SLC4A11: variants seen among roughly 807,000 people sequenced by gnomAD.
SLC4A11 encodes the protein bicarbonate transporter related protein 1.
Under a neutral mutation model 95.0 loss-of-function variants are expected in SLC4A11, and 74 were observed. The observed-to-expected ratio is 0.78, with a 90% confidence interval of 0.65 to 0.95. SLC4A11 has a LOEUF of 0.95. Among genes scored for constraint, SLC4A11 ranks in the 40% least tolerant of loss-of-function variants. The pLI is 0.00. For synonymous variants in SLC4A11, 548 were observed against 519.0 expected (o/e 1.06, Z -0.76); for missense variants, 1,081 against 1,192.4 (o/e 0.91, Z 1.38).
chr20:3,228,894 G>C lies in SLC4A11; in HGVS notation c.2136C>G (p.His712Gln). Residue 712 changes from histidine (H) to glutamine (Q), a missense_variant, in exon 17 of 20, where the codon CAC (histidine) becomes CAG (glutamine). By Grantham distance (24) the His-to-Gln change is conservative. This residue lies in a region of SLC4A11 where 767 missense variants were observed against 858.0 expected (regional missense o/e 0.89). Transcript: ENST00000642402. ...CCTCCACTAAGGCCAGGGCTCGCAC[G>C]TGCAGCGGGGAGTGGGGGTAGGCGG... ...IHAAYPHSPL[H>Q]VRALALVEER... 6.2e-7 allele frequency: 1 copy of C among 1,613,962 alleles called. No homozygotes were observed. Among genetic ancestry groups the C allele is most frequent in the South Asian group, 1.1e-5 (1 of 91,086 alleles).
rs1568542247 is a variant in SLC4A11 at position 3,234,431 on chromosome 20, C to CCCAGCCT, written c.292-118_292-117insAGGCTGG. The CCCAGCCT allele has an allele frequency of 2.6e-6, 4 of 1,512,232 alleles. No individual in the cohort carries two copies. Among genetic ancestry groups the CCCAGCCT allele is most frequent in the African/African-American group, 1.4e-5 (1 of 72,730 alleles). The allele number at this position is 1,512,232 out of a possible 1,614,324, so 93.7% of individuals were successfully genotyped here. A position where few individuals can be genotyped will look rare whatever the true frequency, so the allele number is the denominator to read the frequency against. The stretch of plus-strand genomic sequence containing the variant: ...AGCCCCCAGCCCCCAGCCCCCAGCC[C>CCCAGCCT]TGGGCTGGTGCGAGCTCCCTGTTGA... On this transcript the variant is annotated intron_variant, in intron 4 of 19. Coordinates refer to ENST00000642402, the MANE Select transcript of SLC4A11 (RefSeq NM_001174089.2). This position sits in a 1 kb window ranked among gnomAD's most constrained non-coding sequence, Gnocchi z 5.8.
intron 10 of SLC4A11, 33 bp downstream of exon 10, chr20:3,230,900 A>ACCCCCCCCCACCCCCCCCCCCCCCC: frequency 5.0e-6 from 8 of 1,610,678 alleles, no homozygotes; most frequent in African/African-American, 1.3e-5. Context: ...AGCCCAGCAT[A>ACCCCCCCCCACCCCCCCCCCCCCCC]CCCCCACCCA....
rs2067626278 is a variant in SLC4A11, at chr20:3,228,590, G to A, written c.2310C>T (p.Gly770=). 1.2e-6 allele frequency: 2 copies of A among 1,613,324 alleles called. No individual in the cohort carries two copies. Among genetic ancestry groups the A allele is most frequent in the East Asian group, 2.2e-5 (1 of 44,876 alleles). ...AGGTGAGCGCGATGTAGAGGAAGAG[G>A]CCATAGAGCACGGGCTTGGGGATCC... ...LQWIPKPVLY[G]LFLYIALTSL... The change falls in exon 18 of 20, where the codon GGC becomes GGT. Residue 770 remains glycine (G), a synonymous_variant. Transcript: ENST00000642402.
rs976375428 is a variant in SLC4A11, at chr20:3,233,852, G to A, written c.605+69C>T. ...CTCACAGGTGGGCTGGCCTCTGCAGGGCACAGGGGACATGGGACACCCAGT... is the reference window on the plus strand; with the variant it reads ...CTCACAGGTGGGCTGGCCTCTGCAGAGCACAGGGGACATGGGACACCCAGT... On this transcript the variant is annotated intron_variant, in intron 6 of 19. Transcript: ENST00000642402. 4.4e-6 allele frequency: 7 copies of A among 1,575,118 alleles called. No homozygotes were observed. The African/African-American group carries it at 6.7e-5, about 15-fold the overall frequency.
rs918595763 is a variant in SLC4A11 at position 3,234,612 on chromosome 20, C to T, written c.247G>A (p.Glu83Lys). The change falls in exon 4 of 20, where the codon GAA becomes AAA. Residue 83 changes from glutamate to lysine, a missense_variant. By Grantham distance (56) the Glu-to-Lys change is moderately conservative. This residue lies in a region of SLC4A11 where 310 missense variants were observed against 313.5 expected (regional missense o/e 0.99). Coordinates refer to ENST00000642402, the MANE Select transcript of SLC4A11 (RefSeq NM_001174089.2). This position sits in a 1 kb window ranked among gnomAD's most constrained non-coding sequence, Gnocchi z 5.8. The stretch of plus-strand genomic sequence containing the variant: ...AGCACACAGCCACCGGAAGTCGCTT[C>T]ATTCTCTGCCGGAGAAAAGCGGGGA... ...LEMQATNTEN[E>K]ATSGGCVLLH... 3.0e-5 allele frequency: 49 copies of T among 1,613,794 alleles called. No homozygotes were observed. Among genetic ancestry groups the T allele is most frequent in the Non-Finnish European group, 3.8e-5 (45 of 1,180,024 alleles).
rs376622036 is a variant in SLC4A11 at position 3,231,304 on chromosome 20, G to A, written c.948+26C>T. ...GGCCCATGCCCCCGCCGACCCTGCC[G>A]GCCCCCGCCGGCCTCTACCCTGTAC... On this transcript the variant is annotated intron_variant, in intron 8 of 19. Coordinates refer to ENST00000642402, the MANE Select transcript of SLC4A11 (RefSeq NM_001174089.2). This position sits in a 1 kb window ranked among gnomAD's most constrained non-coding sequence, Gnocchi z 5.2. The A allele has an allele frequency of 4.3e-5, 70 of 1,613,428 alleles. No homozygotes were observed. The highest frequency in any genetic ancestry group is 1.8e-4 in the Admixed American group (11 of 60,010).
chr20:3,236,996 C>G (rs934695681), intron 2 of SLC4A11, among the ~76,000 whole-genome samples: 9 of 152,158 alleles, frequency 5.9e-5, no homozygotes, highest in Non-Finnish European at 1.3e-4. Context: ...AAGGGAACAT[C>G]AGCCCTGTGT....
intron 6 of SLC4A11, 140 bp from the exon 7 acceptor site, chr20:3,233,777 G>T: frequency 6.6e-7 from 1 of 1,517,204 alleles, no homozygotes; most frequent in Non-Finnish European, 9.0e-7. Flanking sequence ...TTCCTTGGCA[G>T]TGCTCCAGCC....
chr20:3,228,743 C>T, intron 17 of SLC4A11, 36 bp from the exon 18 acceptor site: 1 of 1,612,580 alleles, frequency 6.2e-7, no homozygotes, highest in Non-Finnish European at 8.5e-7. Flanking sequence ...CACCTCTGCG[C>T]CCCTGTCCAC....
rs1600607979 is a variant in SLC4A11, at chr20:3,235,500, G to A, written c.89-606C>T. On this transcript the variant is annotated intron_variant, in intron 2 of 19. Transcript: ENST00000642402. The stretch of plus-strand genomic sequence containing the variant: ...GGGAAACAGAGCCAGGGGCTGACAG[G>A]GGAGAGGACCCCAAGGCCTCATGTC... Among the ~76,000 whole-genome samples the A allele has an allele frequency of 3.3e-5, 5 of 152,244 alleles. No homozygotes were observed. In the Middle Eastern group the frequency reaches 0.017, roughly 518 times the overall value.
At position 3,234,370 on chromosome 20, in the gene SLC4A11, G is replaced by A; in HGVS notation, c.292-56C>T. 1.9e-6 allele frequency: 3 copies of A among 1,556,684 alleles called. No homozygotes were observed. Among genetic ancestry groups the A allele is most frequent in the African/African-American group, 1.4e-5 (1 of 73,900 alleles). ...GGCCCATGTATGAGATGCTGTCACT[G>A]CCTGGTCCCTCCCTCCCAGCCAGCC... On this transcript the variant is annotated intron_variant, in intron 4 of 19. Coordinates refer to ENST00000642402, the MANE Select transcript of SLC4A11 (RefSeq NM_001174089.2). The surrounding 1 kb of genome is among the most constrained non-coding windows in gnomAD (Gnocchi z 5.8).
At chr20:3,235,313 A>T (rs62208068) in intron 2 of SLC4A11, among the ~76,000 whole-genome samples, 789 of 42,080 alleles carry the variant, frequency 0.019, 1 homozygote, top group South Asian at 0.062. Flanking sequence ...TCTCTCTCAC[A>T]CACACACACA....
At position 3,229,572 on chromosome 20, in the gene SLC4A11, A is replaced by G. The variant is rs781309890; in HGVS notation, c.1694T>C (p.Met565Thr). 6.2e-7 allele frequency: 1 copy of G among 1,612,946 alleles called. No homozygotes were observed. Among genetic ancestry groups the G allele is most frequent in the Admixed American group, 1.7e-5 (1 of 60,010 alleles). Reference protein sequence around the residue: ...QATAVLSLLIMLGTLWLGYTL... With the variant: ...QATAVLSLLITLGTLWLGYTL... ...GTAGCCCAGCCAGAGCGTGCCCAGC[A>G]TGATGAGGAGGCTGAGCACGGCGGT... is the stretch of plus-strand genomic sequence containing the variant. Residue 565 changes from methionine (M) to threonine (T), a missense_variant, in exon 14 of 20, where the codon ATG (methionine) becomes ACG (threonine). This residue lies in a region of SLC4A11 where 767 missense variants were observed against 858.0 expected (regional missense o/e 0.89). Coordinates refer to ENST00000642402, the MANE Select transcript of SLC4A11 (RefSeq NM_001174089.2).
chr20:3,233,480 C>T lies in SLC4A11; in HGVS notation c.729+34G>A, dbSNP rs3803955. 375,164 of 1,611,768 alleles carry T rather than the reference C, an allele frequency of 0.23. 47,339 individuals are homozygous for T. The highest frequency in any genetic ancestry group is 0.4 in the South Asian group (36,140 of 91,048). The stretch of plus-strand genomic sequence containing the variant: ...CAGAGGGCGGGTAACCCGGGGCCCT[C>T]CTTCTTCCCCAGGACACGGCACTAC... On this transcript the variant is annotated intron_variant, in intron 7 of 19. Coordinates refer to ENST00000642402, the MANE Select transcript of SLC4A11 (RefSeq NM_001174089.2).
chr20:3,233,831 C>T, intron 6 of SLC4A11, 90 bp downstream of exon 6: 1 of 1,539,914 alleles, frequency 6.5e-7, no homozygotes. Flanking sequence ...CCAGGACTCA[C>T]AGGTGGGCTG....
chr20:3,228,449 G>A lies in SLC4A11; in HGVS notation c.2389-21C>T, dbSNP rs756535312. On this transcript the variant is annotated intron_variant, in intron 18 of 19. Coordinates refer to ENST00000642402, the MANE Select transcript of SLC4A11 (RefSeq NM_001174089.2). ...GCAGTCTGTGGGCGGCAGGGACCGG[G>A]TGTGGGCAGGCATGGGGCTGTGTCC... 7 of 1,612,946 alleles carry A rather than the reference G, an allele frequency of 4.3e-6. No homozygotes were observed. In the African/African-American group the frequency reaches 6.7e-5, roughly 15 times the overall value.
chr20:3,233,848 G>A, intron 6 of SLC4A11, 73 bp downstream of exon 6: 1 of 1,575,346 alleles, frequency 6.3e-7, no homozygotes, highest in African/African-American at 1.3e-5. Flanking sequence ...GCTGGCCTCT[G>A]CAGGGCACAG....
In SLC4A11 at chr20:3,231,116, G is replaced by C. The variant is rs200498215; in HGVS notation, c.1042+33C>G. 1 of 1,614,168 alleles carries C rather than the reference G, an allele frequency of 6.2e-7. No individual in the cohort carries two copies. Among genetic ancestry groups the C allele is most frequent in the East Asian group, 2.2e-5 (1 of 44,888 alleles). Reference sequence around the variant, plus strand: ...GGGGATGCAGGACAGGCACACGTGTGGGCCCAAGGCCTGGAAAGCAGAGGC... The same window carrying C: ...GGGGATGCAGGACAGGCACACGTGTCGGCCCAAGGCCTGGAAAGCAGAGGC... On this transcript the variant is annotated intron_variant, in intron 9 of 19. Coordinates refer to ENST00000642402, the MANE Select transcript of SLC4A11 (RefSeq NM_001174089.2). The surrounding 1 kb of genome is among the most constrained non-coding windows in gnomAD (Gnocchi z 5.2).
At position 3,228,662 on chromosome 20, in the gene SLC4A11, G is replaced by T; in HGVS notation, c.2238C>A (p.Ser746Arg). 1 of 1,612,980 alleles carries T rather than the reference G, an allele frequency of 6.2e-7. No homozygotes were observed. Among genetic ancestry groups the T allele is most frequent in the Non-Finnish European group, 8.5e-7 (1 of 1,179,928 alleles). Residue 746 changes from serine to arginine, a missense_variant, in exon 18 of 20, where the codon AGC becomes AGA. Physicochemically the swap from Ser to Arg is moderately radical, Grantham distance 110. Transcript: ENST00000642402. ...GCAACAGGGACAGGCCCACCAGGAC[G>T]CTGGCGCCCAGCGAGGTCAGCCGCG... Reference protein sequence around the residue: ...KETRLTSLGASVLVGLSLLLL... With the variant: ...KETRLTSLGARVLVGLSLLLL...
Sources: gnomAD v4.1 joint callset for allele counts (sites outside exome capture counted in the v4.1 genomes callset) on GRCh38, gnomAD v4.1.1 for gene constraint, gnomAD v4.1.1 regional missense constraint, Gnocchi (gnomAD v3.1) non-coding constraint, MANE v1.5 for transcripts, NCBI Gene and HGNC (gene_info 2026-07-23, HGNC 2026-07-21) for gene names.